MAP7: variants seen among roughly 807,000 people sequenced by gnomAD.
The protein encoded by MAP7 is microtubule associated protein 7.
Under a neutral mutation model 94.8 loss-of-function variants are expected in MAP7, and 52 were observed. The observed-to-expected ratio is 0.55, with a 90% CI of 0.44 to 0.69. MAP7 has a LOEUF of 0.69. Ranked by LOEUF, MAP7 falls within the 30% of genes least tolerant of loss-of-function variation. The pLI is 0.00. For synonymous variants in MAP7, 350 were observed against 357.0 expected (o/e 0.98, Z 0.22); for missense variants, 940 against 964.6 (o/e 0.97, Z 0.34).
At chr6:136,441,479 T>C (rs1435731310) in intron 1 of MAP7, among the ~76,000 whole-genome samples, 2 of 152,242 alleles carry the variant, frequency 1.3e-5, no homozygotes, top group Admixed American at 6.5e-5. Flanking sequence ...TTCCTTAGTA[T>C]GTCTAATGAT....
chr6:136,515,735 A>G (rs1443293459), intron 1 of MAP7, among the ~76,000 whole-genome samples: 2 of 152,262 alleles, frequency 1.3e-5, no homozygotes, highest in Non-Finnish European at 2.9e-5. Flanking sequence ...CAAAACAATT[A>G]CAATAGTGAC....
chr6:136,461,078 A>T (rs1805046533), intron 1 of MAP7, among the ~76,000 whole-genome samples: 1 of 152,216 alleles, frequency 6.6e-6, no homozygotes, highest in Non-Finnish European at 1.5e-5. Context: ...ATTTTATCCC[A>T]TTGTACACCT....
At chr6:136,348,250 G>GC (rs1253438491) in intron 16 of MAP7, among the ~76,000 whole-genome samples, 1 of 152,080 alleles carries the variant, frequency 6.6e-6, no homozygotes, top group Non-Finnish European at 1.5e-5. Context: ...CACCTTCCAG[G>GC]CCTGCATGTA....
chr6:136,450,583 G>A (rs1311470740), intron 1 of MAP7, among the ~76,000 whole-genome samples: 3 of 151,888 alleles, frequency 2.0e-5, no homozygotes, highest in African/African-American at 7.3e-5. Flanking sequence ...TCGGGAGTTC[G>A]AGACCAGCCT....
At chr6:136,455,734 A>G (rs1802673676) in intron 1 of MAP7, among the ~76,000 whole-genome samples, 1 of 152,198 alleles carries the variant, frequency 6.6e-6, no homozygotes, top group Non-Finnish European at 1.5e-5. Context: ...ATGGGTCTGA[A>G]TATGTTACCC....
chr6:136,364,964 G>C (rs556002589), intron 10 of MAP7: 1 of 152,278 alleles, frequency 6.6e-6, no homozygotes, highest in Non-Finnish European at 1.5e-5. Flanking sequence ...GTTTCATGCT[G>C]CTAATTCATT....
intron 16 of MAP7, among the ~76,000 whole-genome samples, chr6:136,353,743 G>T (rs1283322115): frequency 4.6e-5 from 7 of 151,914 alleles, no homozygotes; most frequent in Admixed American, 4.6e-4. Context: ...TTTAGAAAAG[G>T]GGTTTCACCA....
chr6:136,506,909 A>G (rs1821689270), intron 1 of MAP7, among the ~76,000 whole-genome samples: 1 of 152,176 alleles, frequency 6.6e-6, no homozygotes, highest in East Asian at 1.9e-4. Context: ...TTCAAACTGC[A>G]TTCAAATAAG....
At chr6:136,414,807 A>AT (rs1788818959) in intron 2 of MAP7, among the ~76,000 whole-genome samples, 1 of 145,364 alleles carries the variant, frequency 6.9e-6, no homozygotes, top group Non-Finnish European at 1.5e-5. Context: ...ACAATCAGCT[A>AT]ATTTTTTTTT....
At chr6:136,540,208 G>A (rs891763437) in intron 1 of MAP7, among the ~76,000 whole-genome samples, 10 of 152,136 alleles carry the variant, frequency 6.6e-5, no homozygotes, top group African/African-American at 2.2e-4. Flanking sequence ...CTGGTCACAC[G>A]GAAGGGAAAA....
intron 1 of MAP7, among the ~76,000 whole-genome samples, chr6:136,487,275 T>C (rs1235244987): frequency 1.3e-5 from 2 of 152,218 alleles, no homozygotes; most frequent in Non-Finnish European, 2.9e-5. Flanking sequence ...ATCATATATG[T>C]AATGATATGC....
intron 1 of MAP7, among the ~76,000 whole-genome samples, chr6:136,484,337 A>T (rs1387826066): frequency 6.6e-6 from 1 of 152,222 alleles, no homozygotes; most frequent in East Asian, 1.9e-4. Flanking sequence ...TGAATTATGG[A>T]GTAAAGGCTA....
intron 1 of MAP7, chr6:136,466,628 A>T: frequency 2.8e-6 from 2 of 721,408 alleles, no homozygotes; most frequent in Non-Finnish European, 4.2e-6. Context: ...AAAAAAAAAA[A>T]GATTAGAAGA....
intron 17 of MAP7, among the ~76,000 whole-genome samples, 154 bp from the exon 18 acceptor site, chr6:136,344,392 C>T (rs559502445): frequency 5.0e-4 from 76 of 152,254 alleles, no homozygotes; most frequent in Admixed American, 9.2e-4. Context: ...GATTCACAGT[C>T]TTATATTTAA....
chr6:136,533,021 C>T (rs571278599), intron 1 of MAP7, among the ~76,000 whole-genome samples: 51 of 152,194 alleles, frequency 3.4e-4, no homozygotes, highest in Non-Finnish European at 5.4e-4. Flanking sequence ...GCCTGTAATC[C>T]CAGCACTTTG....
chr6:136,468,355 C>T (rs1221774468), intron 1 of MAP7, among the ~76,000 whole-genome samples: 3 of 152,060 alleles, frequency 2.0e-5, no homozygotes, highest in Non-Finnish European at 4.4e-5. Flanking sequence ...CACAACAACC[C>T]TATTATGACG....
intron 1 of MAP7, among the ~76,000 whole-genome samples, chr6:136,534,869 A>G (rs1452414302): frequency 6.6e-6 from 1 of 152,192 alleles, no homozygotes; most frequent in Non-Finnish European, 1.5e-5. Flanking sequence ...ATTACAAAAA[A>G]TCCTTCTCTA....
At chr6:136,519,009 C>A (rs1825659718) in intron 1 of MAP7, among the ~76,000 whole-genome samples, 1 of 152,124 alleles carries the variant, frequency 6.6e-6, no homozygotes, top group Admixed American at 6.5e-5. Flanking sequence ...TTTGGTTATA[C>A]ACAGGTTAAA....
chr6:136,509,488 A>C (rs1027176844), intron 1 of MAP7, among the ~76,000 whole-genome samples: 8 of 152,236 alleles, frequency 5.3e-5, no homozygotes, highest in African/African-American at 1.7e-4. Flanking sequence ...CTTTGCCTCA[A>C]GTAATCCTCC....
Sources: allele counts gnomAD v4.1 joint callset (sites outside exome capture counted in the v4.1 genomes callset), GRCh38; gene constraint gnomAD v4.1.1; transcripts MANE v1.5; gene names NCBI Gene and HGNC (gene_info 2026-07-23, HGNC 2026-07-21).